Variants in MIER1 observed in about 807,000 individuals in gnomAD.
MIER1 encodes the protein MIER1 transcriptional regulator.
Under a neutral mutation model 75.7 loss-of-function variants are expected in MIER1, and 40 were observed. The ratio of observed to expected loss-of-function variants is 0.53; its 90% CI spans 0.41 to 0.69. The LOEUF (loss-of-function observed/expected upper bound fraction) is 0.69, where lower values mean the gene tolerates loss of function less well. Ranked by LOEUF, MIER1 falls within the 30% of genes least tolerant of loss-of-function variation. The pLI, the probability that MIER1 is intolerant of heterozygous loss-of-function variation, is 0.00. For missense variants in MIER1, 574 were observed against 680.2 expected (o/e 0.84, Z 1.74); for synonymous variants, 213 against 223.4 (o/e 0.95, Z 0.42).
rs1666631337 is a variant in MIER1 at position 66,985,262 on chromosome 1, A to C, written c.*362A>C. 1.0e-6 allele frequency: 1 copy of C among 975,762 alleles called. No individual in the cohort carries two copies. The highest frequency in any genetic ancestry group is 4.7e-5 in the South Asian group (1 of 21,070). 60.4% of individuals were successfully genotyped at this position (975,762 alleles called of 1,614,324 possible). A position where few individuals can be genotyped will look rare whatever the true frequency, so the allele number is the denominator to read the frequency against. On this transcript the variant is annotated 3_prime_UTR_variant, in exon 14 of 14. Coordinates refer to ENST00000401041, the MANE Select transcript of MIER1 (RefSeq NM_001077700.3). ...GTATTAATCATAAAATTTCACTACA[A>C]GGTAATTTTTGCTTAGTTTGATGGA...
At chr1:66,952,091 A>G (rs1032734861) in intron 4 of MIER1, among the ~76,000 whole-genome samples, 2 of 152,254 alleles carry the variant, frequency 1.3e-5, no homozygotes, top group Non-Finnish European at 2.9e-5. Flanking sequence ...AATGTCATTC[A>G]TAAGATTCTC....
chr1:66,971,103 T>G lies in MIER1; in HGVS notation c.924+144T>G, dbSNP rs1002244208. On this transcript the variant is annotated intron_variant, in intron 9 of 13. Coordinates refer to ENST00000401041, the MANE Select transcript of MIER1 (RefSeq NM_001077700.3). ...CTGAGGTTATAATCCCTGTAAGATA[T>G]CCGTTGTTACCACAGTGACTTCATT... is the stretch of plus-strand genomic sequence containing the variant. 4 of 727,976 alleles carry G rather than the reference T, an allele frequency of 5.5e-6. No homozygotes were observed. The African/African-American group carries it at 7.5e-5, about 14-fold the overall frequency. 45.1% of individuals were successfully genotyped at this position (727,976 alleles called of 1,614,324 possible).
intron 2 of MIER1, among the ~76,000 whole-genome samples, chr1:66,931,066 C>T (rs1325934642): frequency 6.6e-6 from 1 of 151,364 alleles, no homozygotes; most frequent in African/African-American, 2.4e-5. Context: ...CTTCCCCCCA[C>T]CCCCTTTCCA....
intron 12 of MIER1, among the ~76,000 whole-genome samples, chr1:66,979,638 T>C (rs34367328): frequency 0.22 from 33,161 of 152,170 alleles, 3,964 homozygotes; most frequent in Non-Finnish European, 0.26. Flanking sequence ...CTTTCCTGAA[T>C]ATTCTGGATG....
In MIER1 at chr1:66,929,163, C is replaced by T. The variant is rs1326503989; in HGVS notation, c.168+2921C>T. The T allele has an allele frequency of 6.4e-6, 4 of 627,598 alleles. No individual in the cohort carries two copies. In the African/African-American group the frequency reaches 7.4e-5, roughly 12 times the overall value. The allele number at this position is 627,598 out of a possible 1,614,324, so 38.9% of individuals were successfully genotyped here. On this transcript the variant is annotated intron_variant, in intron 2 of 13. Transcript: ENST00000401041. ...TATTGCATTATAAGTTAAGTATTAA[C>T]TTTAAGAAAAATTGTATATGTACAC...
At chr1:66,947,235 G>C (rs2985826) in intron 4 of MIER1, 119,510 of 152,758 alleles carry the variant, frequency 0.78, 47,109 homozygotes, top group East Asian at 0.88. Flanking sequence ...CCCTTGGTGT[G>C]TATATCCTTA....
intron 12 of MIER1, among the ~76,000 whole-genome samples, chr1:66,979,918 C>T (rs902688333): frequency 2.0e-5 from 3 of 152,104 alleles, no homozygotes. Flanking sequence ...GCATGCGCCA[C>T]CACACCCGGC....
At chr1:66,937,603 G>C (rs1655222454) in intron 2 of MIER1, among the ~76,000 whole-genome samples, 1 of 149,312 alleles carries the variant, frequency 6.7e-6, no homozygotes, top group Non-Finnish European at 1.5e-5. Flanking sequence ...GAAAAGAAAA[G>C]AAAATGTGTA....
At chr1:66,930,518 C>G in intron 2 of MIER1, 1 of 1,098,032 alleles carries the variant, frequency 9.1e-7, no homozygotes, top group Non-Finnish European at 1.3e-6. Context: ...CGCTGCCCAC[C>G]TGTTGTCCGG....
Position 66,985,429 on chromosome 1 carries a change from C to T in MIER1, c.*529C>T. ...ACCCTTACGAATCCTGAAAATTATG[C>T]TAGCATGATTTTTTTATATATAGAA... is the stretch of plus-strand genomic sequence containing the variant. On this transcript the variant is annotated 3_prime_UTR_variant, in exon 14 of 14. Coordinates refer to ENST00000401041, the MANE Select transcript of MIER1 (RefSeq NM_001077700.3). 1 of 983,218 alleles carries T rather than the reference C, an allele frequency of 1.0e-6. No individual in the cohort carries two copies. Among genetic ancestry groups the T allele is most frequent in the Non-Finnish European group, 1.2e-6 (1 of 827,886 alleles). 60.9% of individuals were successfully genotyped at this position (983,218 alleles called of 1,614,324 possible).
At chr1:66,931,139 T>G (rs1653236480) in intron 2 of MIER1, among the ~76,000 whole-genome samples, 1 of 152,116 alleles carries the variant, frequency 6.6e-6, no homozygotes, top group African/African-American at 2.4e-5. Context: ...GAGAAGCTTT[T>G]TCTTGTTTCT....
In MIER1 at chr1:66,986,448, C is replaced by G. The variant is rs756232543; in HGVS notation, c.*1548C>G. 1 of 1,612,738 alleles carries G rather than the reference C, an allele frequency of 6.2e-7. No homozygotes were observed. Among genetic ancestry groups the G allele is most frequent in the Non-Finnish European group, 8.5e-7 (1 of 1,179,018 alleles). ...CCAGTTCATTTTTCAGCCATCAGTT[C>G]AAGAGCCAATGCCTTTTTAAAATAA... On this transcript the variant is annotated 3_prime_UTR_variant, in exon 14 of 14. Coordinates refer to ENST00000401041, the MANE Select transcript of MIER1 (RefSeq NM_001077700.3).
intron 4 of MIER1, among the ~76,000 whole-genome samples, chr1:66,950,117 T>C (rs1193866283): frequency 1.3e-5 from 2 of 152,178 alleles, no homozygotes; most frequent in African/African-American, 4.8e-5. Flanking sequence ...TTGTTTTGTT[T>C]TGTTTTTTTG....
chr1:66,937,114 A>G (rs1655082414), intron 2 of MIER1, among the ~76,000 whole-genome samples: 2 of 152,104 alleles, frequency 1.3e-5, no homozygotes, highest in Admixed American at 1.3e-4. Flanking sequence ...AGGACACTAT[A>G]AAAGGTATAG....
At chr1:66,965,778 T>C (rs1662260536) in intron 8 of MIER1, among the ~76,000 whole-genome samples, 1 of 152,348 alleles carries the variant, frequency 6.6e-6, no homozygotes, top group Middle Eastern at 3.4e-3. Flanking sequence ...TTTGTACCCA[T>C]TAACCATCCC....
rs3924796 is a variant in MIER1 at position 66,986,731 on chromosome 1, G to T, written c.*1831G>T. ...AAGTAAATCAAAGTTTTGGGTGGAA[G>T]TGTTGAGAAGTATGAGTTTTTTGTT... On this transcript the variant is annotated 3_prime_UTR_variant, in exon 14 of 14. Transcript: ENST00000401041. The T allele has an allele frequency of 0.07, 24,003 of 344,508 alleles. 2,047 individuals are homozygous for T. Among genetic ancestry groups the T allele is most frequent in the African/African-American group, 0.32 (15,130 of 47,328 alleles). 21.3% of individuals were successfully genotyped at this position (344,508 alleles called of 1,614,324 possible). A position where few individuals can be genotyped will look rare whatever the true frequency, so the allele number is the denominator to read the frequency against.
At chr1:66,966,543 A>G (rs922220455) in intron 8 of MIER1, among the ~76,000 whole-genome samples, 1 of 152,192 alleles carries the variant, frequency 6.6e-6, no homozygotes, top group Admixed American at 6.5e-5. Context: ...TCCTTTGGGT[A>G]TATGCCCAAT....
intron 11 of MIER1, among the ~76,000 whole-genome samples, chr1:66,975,981 G>GC (rs1487066139): frequency 1.4e-5 from 2 of 143,746 alleles, no homozygotes; most frequent in African/African-American, 5.1e-5. Context: ...CCACTTCCAG[G>GC]CCTTTTTTTT....
chr1:66,952,670 C>G (rs1489120321), intron 4 of MIER1, among the ~76,000 whole-genome samples: 3 of 152,190 alleles, frequency 2.0e-5, no homozygotes, highest in South Asian at 2.1e-4. Flanking sequence ...GAGACAGGGT[C>G]TCACTTTGTC....
Sources: gnomAD v4.1 joint callset for allele counts (sites outside exome capture counted in the v4.1 genomes callset) on GRCh38, gnomAD v4.1.1 for gene constraint, MANE v1.5 for transcripts, NCBI Gene and HGNC (gene_info 2026-07-23, HGNC 2026-07-21) for gene names.